GPC6: variants seen among roughly 807,000 people sequenced by gnomAD.
The protein encoded by GPC6 is glypican-6.
GPC6 carries 14 observed loss-of-function variants against 55.2 expected under a neutral mutation model. That is an observed-to-expected ratio of 0.25 (90% CI 0.17 to 0.40). GPC6 has a LOEUF of 0.40. Among genes scored for constraint, GPC6 ranks in the 10% least tolerant of loss-of-function variants. The pLI is 1.00. For missense variants in GPC6, 641 were observed against 708.5 expected (o/e 0.90, Z 1.08); for synonymous variants, 278 against 259.6 (o/e 1.07, Z -0.68).
At chr13:93,336,314 A>G (rs1041543298) in intron 1 of GPC6, among the ~76,000 whole-genome samples, 4 of 152,210 alleles carry the variant, frequency 2.6e-5, no homozygotes, top group South Asian at 4.1e-4. Flanking sequence ...TTCCACCTGC[A>G]GATGTTTCTC....
At chr13:93,607,972 G>A (rs932883160) in intron 2 of GPC6, among the ~76,000 whole-genome samples, 1 of 152,072 alleles carries the variant, frequency 6.6e-6, no homozygotes, top group Non-Finnish European at 1.5e-5. Flanking sequence ...TCCTTATAAG[G>A]CTTATTTGGT....
At chr13:94,106,771 TA>T (rs1265031559) in intron 4 of GPC6, among the ~76,000 whole-genome samples, 1 of 152,050 alleles carries the variant, frequency 6.6e-6, no homozygotes, top group African/African-American at 2.4e-5. Context: ...TAGTAAAGTA[TA>T]AATGGCCGAG....
chr13:94,152,665 A>T (rs1449410234), intron 4 of GPC6, among the ~76,000 whole-genome samples: 1 of 151,902 alleles, frequency 6.6e-6, no homozygotes, highest in Non-Finnish European at 1.5e-5. Flanking sequence ...TTAAAAAAAA[A>T]AATCATTGTA....
At chr13:93,651,857 G>A (rs1001534969) in intron 2 of GPC6, among the ~76,000 whole-genome samples, 11 of 152,092 alleles carry the variant, frequency 7.2e-5, no homozygotes, top group Non-Finnish European at 1.3e-4. Flanking sequence ...AAACACCGAC[G>A]TCCATATTCC....
At chr13:93,542,461 G>T (rs560167628) in intron 1 of GPC6, among the ~76,000 whole-genome samples, 39 of 152,280 alleles carry the variant, frequency 2.6e-4, no homozygotes, top group African/African-American at 8.4e-4. Context: ...GTAGCGTGAT[G>T]CCTCCAGCTT....
intron 1 of GPC6, among the ~76,000 whole-genome samples, chr13:93,376,897 T>G (rs1416460367): frequency 6.6e-6 from 1 of 152,142 alleles, no homozygotes; most frequent in Non-Finnish European, 1.5e-5. Context: ...GCTTCATTCG[T>G]GAATGCTTAT....
intron 2 of GPC6, among the ~76,000 whole-genome samples, chr13:93,725,465 C>T (rs1416089982): frequency 6.6e-6 from 1 of 151,952 alleles, no homozygotes; most frequent in African/African-American, 2.4e-5. Flanking sequence ...GCTTCTCAGA[C>T]CCTTTCTAAC....
chr13:93,945,193 A>T lies in GPC6; in HGVS notation c.712-82536A>T, dbSNP rs1258735510. ...CGTAGGTTTATTATAAATCTTACTG[A>T]CCCAAAGGATTATATAGTACACCTA... is the stretch of plus-strand genomic sequence containing the variant. On this transcript the variant is annotated intron_variant, in intron 3 of 8. Coordinates refer to ENST00000377047, the MANE Select transcript of GPC6 (RefSeq NM_005708.5). 2.0e-5 allele frequency among the ~76,000 whole-genome samples: 3 copies of T among 152,214 alleles called. No homozygotes were observed. In the South Asian group the frequency reaches 6.2e-4, roughly 31 times the overall value.
chr13:94,175,253 G>T (rs1224424356), intron 4 of GPC6, among the ~76,000 whole-genome samples: 2 of 152,098 alleles, frequency 1.3e-5, no homozygotes, highest in Non-Finnish European at 2.9e-5. Context: ...AATATGTTAG[G>T]CTTTGTGGAT....
chr13:93,566,907 C>T (rs9556307), intron 2 of GPC6, among the ~76,000 whole-genome samples: 9,744 of 152,110 alleles, frequency 0.064, 649 homozygotes, highest in East Asian at 0.32. Context: ...TTCTTTTTTA[C>T]GGCTGCATAG....
At chr13:94,240,321 A>G (rs1470608110) in intron 4 of GPC6, among the ~76,000 whole-genome samples, 10 of 152,108 alleles carry the variant, frequency 6.6e-5, no homozygotes, top group African/African-American at 2.4e-5. Flanking sequence ...TCAAACACAC[A>G]GTATTTGATT....
At chr13:93,836,945 C>A (rs1306170702) in intron 3 of GPC6, among the ~76,000 whole-genome samples, 1 of 152,144 alleles carries the variant, frequency 6.6e-6, no homozygotes, top group Non-Finnish European at 1.5e-5. Flanking sequence ...GAATGTATCA[C>A]AGTTGAGTCT....
chr13:93,679,092 G>A (rs1881752983), intron 2 of GPC6, among the ~76,000 whole-genome samples: 1 of 152,072 alleles, frequency 6.6e-6, no homozygotes, highest in African/African-American at 2.4e-5. Context: ...GAAAGAAATT[G>A]AGAAACATAT....
chr13:93,733,340 A>AT, intron 2 of GPC6, among the ~76,000 whole-genome samples: 1 of 152,090 alleles, frequency 6.6e-6, no homozygotes. Flanking sequence ...CAGGATAAAA[A>AT]TTATCTGGCT....
Position 94,286,527 on chromosome 13 carries a change from T to C in GPC6, c.1008+48T>C, listed in dbSNP as rs199950183. On this transcript the variant is annotated intron_variant, in intron 5 of 8. Transcript: ENST00000377047. ...TGCCAATACATGTATGTTATACAGG[T>C]GCAATAACCTAAAAACGAAGTAACT... The C allele has an allele frequency of 1.1e-5, 17 of 1,546,742 alleles. No homozygotes were observed. The East Asian group carries it at 3.4e-4, about 31-fold the overall frequency.
At chr13:94,214,903 C>T (rs1367582072) in intron 4 of GPC6, among the ~76,000 whole-genome samples, 1 of 152,178 alleles carries the variant, frequency 6.6e-6, no homozygotes, top group African/African-American at 2.4e-5. Context: ...TGGGCTAAGA[C>T]ACAATTTAAG....
chr13:94,372,854 C>T (rs1014880171), intron 6 of GPC6, among the ~76,000 whole-genome samples: 1,756 of 152,270 alleles, frequency 0.012, 33 homozygotes, highest in African/African-American at 0.04. Flanking sequence ...TCCCAGCAGG[C>T]AGCTGGAGAT....
intron 4 of GPC6, among the ~76,000 whole-genome samples, chr13:94,083,535 T>A (rs1885182113): frequency 6.6e-6 from 1 of 152,246 alleles, no homozygotes; most frequent in African/African-American, 2.4e-5. Context: ...GCACTTTGTC[T>A]TTATCACTGC....
intron 7 of GPC6, among the ~76,000 whole-genome samples, chr13:94,389,112 A>G (rs991271323): frequency 6.6e-6 from 1 of 152,236 alleles, no homozygotes; most frequent in Non-Finnish European, 1.5e-5. Context: ...GAGAAGACAC[A>G]GCAACATTCT....
Sources: gnomAD v4.1 joint callset for allele counts (sites outside exome capture counted in the v4.1 genomes callset) on GRCh38, gnomAD v4.1.1 for gene constraint, MANE v1.5 for transcripts, NCBI Gene and HGNC (gene_info 2026-07-23, HGNC 2026-07-21) for gene names.